Variants in PCM1 observed in about 807,000 individuals in gnomAD.
The protein encoded by PCM1 is pericentriolar material 1.
A neutral mutation model predicts 241.9 loss-of-function variants in PCM1; 157 were observed. The ratio of observed to expected loss-of-function variants is 0.65; its 90% CI spans 0.57 to 0.74. The LOEUF is 0.74. Ranked by LOEUF, PCM1 falls within the 30% of genes least tolerant of loss-of-function variation. The pLI is 0.00. For missense variants in PCM1, 3,478 were observed against 2,360.1 expected (o/e 1.47, Z -9.81); for synonymous variants, 1,085 against 784.9 (o/e 1.38, Z -6.39).
In PCM1 at chr8:18,029,156, CAA is replaced by C. The variant is rs11333913; in HGVS notation, c.*1519_*1520del. The stretch of plus-strand genomic sequence containing the variant: ...CTGGCAACAGAGCGAGACTCTGTCT[CAA>C]AAAAAAAAAAAAAAAAAAAAAAAAG... On this transcript the variant is annotated 3_prime_UTR_variant, in exon 39 of 39. Coordinates refer to ENST00000325083, the MANE Select transcript of PCM1 (RefSeq NM_006197.4). 609 of 56,236 alleles carry C rather than the reference CAA, an allele frequency of 0.011. No homozygotes were observed. Among genetic ancestry groups the C allele is most frequent in the East Asian group, 0.054 (172 of 3,184 alleles). The allele number at this position is 56,236 out of a possible 1,614,324, so 3.5% of individuals were successfully genotyped here.
chr8:17,949,163 A>G (rs924403708), intron 7 of PCM1, among the ~76,000 whole-genome samples: 10 of 152,202 alleles, frequency 6.6e-5, no homozygotes, highest in Non-Finnish European at 1.3e-4. Flanking sequence ...TTCAAAAAGA[A>G]TTTTAGCTTA....
rs1306376899 is a variant in PCM1, at chr8:18,027,813, A to AAAAC, written c.*153_*156dup. Reference sequence around the variant, plus strand: ...TGGTCATTTCTCCCCATGGTAGTTTAAAACATCAGAAACTGAATTCTGGAC... The same window carrying AAAAC: ...TGGTCATTTCTCCCCATGGTAGTTTAAAACAAACATCAGAAACTGAATTCTGGAC... On this transcript the variant is annotated 3_prime_UTR_variant, in exon 39 of 39. Coordinates refer to ENST00000325083, the MANE Select transcript of PCM1 (RefSeq NM_006197.4). 1.3e-5 allele frequency: 6 copies of AAAAC among 455,164 alleles called. No individual in the cohort carries two copies. The highest frequency in any genetic ancestry group is 2.0e-5 in the African/African-American group (1 of 49,556). 28.2% of individuals were successfully genotyped at this position (455,164 alleles called of 1,614,324 possible). A position where few individuals can be genotyped will look rare whatever the true frequency, so the allele number is the denominator to read the frequency against.
At chr8:18,021,558 C>T (rs2093757052) in intron 36 of PCM1, among the ~76,000 whole-genome samples, 1 of 152,148 alleles carries the variant, frequency 6.6e-6, no homozygotes, top group South Asian at 2.1e-4. Flanking sequence ...CTTTATGGGG[C>T]TTTTCTGGAG....
chr8:18,009,628 A>G lies in PCM1; in HGVS notation c.5044A>G (p.Asn1682Asp). 4 of 1,594,742 alleles carry G rather than the reference A, an allele frequency of 2.5e-6. No individual in the cohort carries two copies. The highest frequency in any genetic ancestry group is 3.4e-6 in the Non-Finnish European group (4 of 1,170,378). Residue 1682 changes from asparagine to aspartate, a missense_variant, in exon 31 of 39, where the codon AAT becomes GAT. Asn to Asp is a conservative substitution (Grantham distance 23, BLOSUM62 1). Coordinates refer to ENST00000325083, the MANE Select transcript of PCM1 (RefSeq NM_006197.4). ...TGTAGAGATATCTGAAGTGTTGTTC[A>G]ATGAATTGGCTTTCTTTAAGCTTAT... The part of the protein sequence containing the change: ...LLVEISEVLF[N>D]ELAFFKLMQD...
At chr8:17,955,381 T>G in intron 9 of PCM1, 89 bp from the exon 10 acceptor site, 2 of 864,432 alleles carry the variant, frequency 2.3e-6, no homozygotes, top group South Asian at 4.4e-5. Flanking sequence ...ATTTTTACTT[T>G]TTAGTTTTCA....
chr8:17,967,428 C>T (rs1452162899), intron 21 of PCM1, among the ~76,000 whole-genome samples: 1 of 152,074 alleles, frequency 6.6e-6, no homozygotes, highest in Non-Finnish European at 1.5e-5. Flanking sequence ...CCTGCCTCAG[C>T]TTCCTAAGTA....
intron 34 of PCM1, 105 bp downstream of exon 34, chr8:18,011,932 G>T: frequency 1.9e-6 from 2 of 1,029,094 alleles, no homozygotes; most frequent in South Asian, 1.6e-5. Context: ...TAAATATTCA[G>T]GTTTCATGAA....
intron 13 of PCM1, among the ~76,000 whole-genome samples, chr8:17,958,171 G>A (rs868528955): frequency 2.6e-5 from 4 of 152,078 alleles, no homozygotes; most frequent in African/African-American, 2.4e-5. Flanking sequence ...CTTATATTAT[G>A]TACAACTTGC....
At chr8:17,982,084 A>C (rs886516479) in intron 24 of PCM1, among the ~76,000 whole-genome samples, 1 of 152,178 alleles carries the variant, frequency 6.6e-6, no homozygotes, top group African/African-American at 2.4e-5. Context: ...AAGAAACATC[A>C]CATTTGTTTG....
intron 36 of PCM1, among the ~76,000 whole-genome samples, chr8:18,022,918 A>G (rs1289793713): frequency 6.6e-6 from 1 of 152,222 alleles, no homozygotes. Flanking sequence ...ATCAGTATTC[A>G]GGGCATATTT....
chr8:17,984,255 G>T (rs988502689), intron 24 of PCM1, among the ~76,000 whole-genome samples: 1 of 151,918 alleles, frequency 6.6e-6, no homozygotes, highest in Non-Finnish European at 1.5e-5. Flanking sequence ...AATTAAGTAT[G>T]ATTAAACTGC....
In PCM1 at chr8:18,011,830, A is replaced by G. The variant is rs2092558266; in HGVS notation, c.5511+3A>G. 3.1e-6 allele frequency: 5 copies of G among 1,610,484 alleles called. No homozygotes were observed. The highest frequency in any genetic ancestry group is 2.2e-5 in the East Asian group (1 of 44,826). Reference sequence around the variant, plus strand: ...AAGAAAATGAACATGATGAACAGGTATTCCCGTATTGACTGACACACTTCC... The same window carrying G: ...AAGAAAATGAACATGATGAACAGGTGTTCCCGTATTGACTGACACACTTCC... On this transcript the variant is annotated splice_donor_region_variant and intron_variant, in intron 34 of 38. Coordinates refer to ENST00000325083, the MANE Select transcript of PCM1 (RefSeq NM_006197.4).
At chr8:17,968,730 A>ATG (rs551909289) in intron 21 of PCM1, among the ~76,000 whole-genome samples, 5,830 of 134,620 alleles carry the variant, frequency 0.043, 339 homozygotes, top group African/African-American at 0.14. Flanking sequence ...GGATGTATAT[A>ATG]TGTGTGTGTG....
chr8:17,977,555 T>C (rs747334273), intron 23 of PCM1, among the ~76,000 whole-genome samples: 4 of 152,202 alleles, frequency 2.6e-5, no homozygotes, highest in Non-Finnish European at 5.9e-5. Flanking sequence ...CAGATCTCCA[T>C]GATTCTTGGA....
chr8:17,927,096 A>G (rs1423507512), intron 2 of PCM1: 1 of 151,714 alleles, frequency 6.6e-6, no homozygotes, highest in Non-Finnish European at 1.5e-5. Context: ...TGAGAAAAAA[A>G]TAATTTTTTT....
At chr8:17,931,474 A>T (rs2059006045) in intron 2 of PCM1, among the ~76,000 whole-genome samples, 1 of 151,966 alleles carries the variant, frequency 6.6e-6, no homozygotes, top group Admixed American at 6.6e-5. Context: ...TTTTTAGTAG[A>T]GATAGGATTT....
At chr8:18,007,751 C>T (rs1310302887) in intron 30 of PCM1, among the ~76,000 whole-genome samples, 2 of 152,006 alleles carry the variant, frequency 1.3e-5, no homozygotes, top group Non-Finnish European at 1.5e-5. Flanking sequence ...TACATTTTTC[C>T]TTCTGAAACC....
At chr8:18,015,524 A>C (rs115001647) in intron 36 of PCM1, among the ~76,000 whole-genome samples, 14,536 of 152,204 alleles carry the variant, frequency 0.096, 1,135 homozygotes, top group African/African-American at 0.21. Flanking sequence ...GTACTTGATA[A>C]AAGACAATTT....
At chr8:17,996,892 A>T (rs543890741) in intron 29 of PCM1, among the ~76,000 whole-genome samples, 1 of 152,266 alleles carries the variant, frequency 6.6e-6, no homozygotes, top group South Asian at 2.1e-4. Context: ...TGTTGTAGCT[A>T]CTATTTTTGG....
Sources: gnomAD v4.1 joint callset for allele counts (sites outside exome capture counted in the v4.1 genomes callset) on GRCh38, gnomAD v4.1.1 for gene constraint, MANE v1.5 for transcripts, NCBI Gene and HGNC (gene_info 2026-07-23, HGNC 2026-07-21) for gene names.